The following PIK3R5 variants were observed in gnomAD, a reference collection of about 807,000 sequenced individuals.
PIK3R5 encodes phosphoinositide 3-kinase regulatory subunit 5.
PIK3R5 carries 32 observed loss-of-function variants against 94.9 expected under a neutral mutation model. That is an observed-to-expected ratio of 0.34 (90% CI 0.25 to 0.45). The LOEUF (loss-of-function observed/expected upper bound fraction) is 0.45, where lower values mean the gene tolerates loss of function less well. PIK3R5 is among the 20% of genes least tolerant of loss of function. The pLI, the probability that PIK3R5 is intolerant of heterozygous loss-of-function variation, is 1.00. For synonymous variants in PIK3R5, 443 were observed against 479.4 expected (o/e 0.92, Z 0.99); for missense variants, 853 against 1,144.6 (o/e 0.75, Z 3.68).
rs574200247 is a variant in PIK3R5 at position 8,893,902 on chromosome 17, C to T, written c.413-247G>A. 3.2e-5 allele frequency: 12 copies of T among 374,860 alleles called. No individual in the cohort carries two copies. Among genetic ancestry groups the T allele is most frequent in the African/African-American group, 1.9e-4 (9 of 48,014 alleles). The allele number at this position is 374,860 out of a possible 1,614,324, so 23.2% of individuals were successfully genotyped here. ...AACACCAAAACTCGGTCCTGGGCCT[C>T]GCTGTCCTCTGGATTCCCGTGGCCT... On this transcript the variant is annotated intron_variant, in intron 5 of 18. Coordinates refer to ENST00000447110, the MANE Select transcript of PIK3R5 (RefSeq NM_001142633.3). This position sits in a 1 kb window ranked among gnomAD's most constrained non-coding sequence, Gnocchi z 5.1.
rs774229080 is a variant in PIK3R5 at position 8,904,892 on chromosome 17, C to T, written c.297G>A (p.Ser99=). The part of the protein sequence containing the change: ...VLCTPHFPPD[S]DLLLKAASTY... ...TGCTGGCTGCCTTCAGAAGGAGATC[C>T]GAGTCTGGTGGGAAGTGTGGTGTCT... The change falls in exon 5 of 19, where the codon TCG becomes TCA. Residue 99 remains serine, a synonymous_variant. Transcript: ENST00000447110. This position sits in a 1 kb window ranked among gnomAD's most constrained non-coding sequence, Gnocchi z 5.1. 9.3e-6 allele frequency: 15 copies of T among 1,613,328 alleles called. No homozygotes were observed. The highest frequency in any genetic ancestry group is 1.2e-5 in the Non-Finnish European group (14 of 1,180,018).
At chr17:8,906,896 T>A (rs1278569388) in intron 3 of PIK3R5, among the ~76,000 whole-genome samples, 1 of 152,222 alleles carries the variant, frequency 6.6e-6, no homozygotes, top group Non-Finnish European at 1.5e-5. Flanking sequence ...TTTAGTCAAT[T>A]TTCCCTAAGC....
In PIK3R5 at chr17:8,945,329, A is replaced by G. The variant is rs987474751; in HGVS notation, c.-14+20267T>C. 6.6e-6 allele frequency among the ~76,000 whole-genome samples: 1 copy of G among 152,128 alleles called. No homozygotes were observed. The highest frequency in any genetic ancestry group is 2.4e-5 in the African/African-American group (1 of 41,408). On this transcript the variant is annotated intron_variant, in intron 1 of 18. Transcript: ENST00000447110. This position sits in a 1 kb window ranked among gnomAD's most constrained non-coding sequence, Gnocchi z 4.0. ...TCCAAGAGATTCTTCCCTTACAATCAGTAGGTCTGCCTCCCACCCCAGCCA... is the reference window on the plus strand; with the variant it reads ...TCCAAGAGATTCTTCCCTTACAATCGGTAGGTCTGCCTCCCACCCCAGCCA...
At chr17:8,951,480 T>C (rs2091374969) in intron 1 of PIK3R5, among the ~76,000 whole-genome samples, 1 of 152,196 alleles carries the variant, frequency 6.6e-6, no homozygotes, top group South Asian at 2.1e-4. Flanking sequence ...GCTACCTCAT[T>C]TGGGTGGAAT....
chr17:8,955,118 G>A lies in PIK3R5; in HGVS notation c.-14+10478C>T, dbSNP rs1372879086. 6.6e-6 allele frequency among the ~76,000 whole-genome samples: 1 copy of A among 152,086 alleles called. No individual in the cohort carries two copies. Among genetic ancestry groups the A allele is most frequent in the Non-Finnish European group, 1.5e-5 (1 of 68,016 alleles). On this transcript the variant is annotated intron_variant, in intron 1 of 18. Coordinates refer to ENST00000447110, the MANE Select transcript of PIK3R5 (RefSeq NM_001142633.3). This position sits in a 1 kb window ranked among gnomAD's most constrained non-coding sequence, Gnocchi z 4.4. ...CCTTGCAGTTGTGCACAGAAGACCAGTGATATGTCTGGAGGGTCCTTGAGG... is the reference window on the plus strand; with the variant it reads ...CCTTGCAGTTGTGCACAGAAGACCAATGATATGTCTGGAGGGTCCTTGAGG...
At chr17:8,954,734 A>C (rs1391813084) in intron 1 of PIK3R5, among the ~76,000 whole-genome samples, 1 of 152,066 alleles carries the variant, frequency 6.6e-6, no homozygotes, top group African/African-American at 2.4e-5. Flanking sequence ...TCAGGAGTTC[A>C]AGACCAGCCT....
At chr17:8,947,975 G>A (rs1193912619) in intron 1 of PIK3R5, among the ~76,000 whole-genome samples, 17 of 149,762 alleles carry the variant, frequency 1.1e-4, no homozygotes, top group African/African-American at 3.7e-4. Flanking sequence ...CCCGGGAGGC[G>A]GAGCTTGCAG....
In PIK3R5 at chr17:8,957,950, G is replaced by A. The variant is rs141470807; in HGVS notation, c.-14+7646C>T. ...GCTTCCAAAATCATTTGCAAAGTCAGTATATCAAAAACTGACAACGGCAGC... is the reference window on the plus strand; with the variant it reads ...GCTTCCAAAATCATTTGCAAAGTCAATATATCAAAAACTGACAACGGCAGC... On this transcript the variant is annotated intron_variant, in intron 1 of 18. Coordinates refer to ENST00000447110, the MANE Select transcript of PIK3R5 (RefSeq NM_001142633.3). 3.3e-5 allele frequency among the ~76,000 whole-genome samples: 5 copies of A among 152,304 alleles called. No homozygotes were observed. The South Asian group carries it at 6.2e-4, about 19-fold the overall frequency.
At chr17:8,921,057 T>A (rs951980666) in intron 1 of PIK3R5, among the ~76,000 whole-genome samples, 1 of 152,038 alleles carries the variant, frequency 6.6e-6, no homozygotes, top group Admixed American at 6.5e-5. Flanking sequence ...GTCAGGTTGG[T>A]CTCAAACTCC....
At chr17:8,910,111 G>A (rs1394904365) in intron 2 of PIK3R5, among the ~76,000 whole-genome samples, 1 of 152,172 alleles carries the variant, frequency 6.6e-6, no homozygotes, top group East Asian at 1.9e-4. Flanking sequence ...AAATTAAAGC[G>A]ACAGCCTGGG....
chr17:8,924,871 C>T (rs1378702968), intron 1 of PIK3R5, among the ~76,000 whole-genome samples: 2 of 152,206 alleles, frequency 1.3e-5, no homozygotes, highest in African/African-American at 2.4e-5. Context: ...ATGAAACAAA[C>T]GCTGATGTCA....
At chr17:8,887,400 G>A (rs1404840916) in intron 11 of PIK3R5, 121 bp downstream of exon 11, 1 of 1,318,694 alleles carries the variant, frequency 7.6e-7, no homozygotes, top group Non-Finnish European at 1.0e-6. Context: ...AGGGAGTGAG[G>A]GCCAGGCAGG....
intron 1 of PIK3R5, among the ~76,000 whole-genome samples, chr17:8,918,996 C>T (rs1314921845): frequency 6.6e-6 from 1 of 152,156 alleles, no homozygotes; most frequent in Non-Finnish European, 1.5e-5. Context: ...GGTGATTACT[C>T]ACCACATAGA....
At position 8,888,543 on chromosome 17, in the gene PIK3R5, C is replaced by T. The variant is rs551147661; in HGVS notation, c.1244G>A (p.Arg415His). 27 of 1,611,500 alleles carry T rather than the reference C, an allele frequency of 1.7e-5. No homozygotes were observed. Among genetic ancestry groups the T allele is most frequent in the Admixed American group, 1.7e-4 (10 of 59,854 alleles). ...CCTGATGAACTTCTGCCCAGGCCTG[C>T]GGTGGCCTCGGCGTTCCTGGCTGCC... ...RRGSQERRGH[R>H]RPGQKFIRIY... Residue 415 changes from arginine (R) to histidine (H), a missense_variant, in exon 10 of 19, where the codon CGC (arginine) becomes CAC (histidine). Transcript: ENST00000447110. This position sits in a 1 kb window ranked among gnomAD's most constrained non-coding sequence, Gnocchi z 7.8.
chr17:8,895,461 G>A lies in PIK3R5; in HGVS notation c.413-1806C>T, dbSNP rs1349498679. 6.6e-5 allele frequency among the ~76,000 whole-genome samples: 10 copies of A among 152,046 alleles called. No individual in the cohort carries two copies. The East Asian group carries it at 1.7e-3, about 26-fold the overall frequency. ...CTTTCTTCCAACACGCCCAGCCATT[G>A]GCTTCCAACCCCTCTGCCCTCCTGA... On this transcript the variant is annotated intron_variant, in intron 5 of 18. Coordinates refer to ENST00000447110, the MANE Select transcript of PIK3R5 (RefSeq NM_001142633.3).
chr17:8,925,289 GGATA>G lies in PIK3R5; in HGVS notation c.-13-13786_-13-13783del, dbSNP rs551698884. Among the ~76,000 whole-genome samples the G allele has an allele frequency of 3.9e-3, 579 of 149,984 alleles. 5 individuals are homozygous for G. Among genetic ancestry groups the G allele is most frequent in the African/African-American group, 4.2e-3 (171 of 40,570 alleles). On this transcript the variant is annotated intron_variant, in intron 1 of 18. Coordinates refer to ENST00000447110, the MANE Select transcript of PIK3R5 (RefSeq NM_001142633.3). This position sits in a 1 kb window ranked among gnomAD's most constrained non-coding sequence, Gnocchi z 5.1. ...AGCTAGTAGATGATAGATAGTAGAT[GGATA>G]GATAGATAGATAGTAGATGGATAGA... is the stretch of plus-strand genomic sequence containing the variant.
At chr17:8,930,251 T>A (rs958904035) in intron 1 of PIK3R5, among the ~76,000 whole-genome samples, 1 of 152,176 alleles carries the variant, frequency 6.6e-6, no homozygotes, top group African/African-American at 2.4e-5. Context: ...GTGCATTCTA[T>A]GACCACAATG....
chr17:8,921,838 T>C (rs1438867959), intron 1 of PIK3R5, among the ~76,000 whole-genome samples: 4 of 151,954 alleles, frequency 2.6e-5, no homozygotes, highest in Admixed American at 6.6e-5. Flanking sequence ...AGAAGAAAAA[T>C]TGGGGGAAGC....
intron 1 of PIK3R5, among the ~76,000 whole-genome samples, chr17:8,959,715 T>C (rs575226313): frequency 6.6e-6 from 1 of 152,290 alleles, no homozygotes; most frequent in East Asian, 1.9e-4. Flanking sequence ...AACCCAGTGA[T>C]ACGTCTGCAC....
Sources: allele counts gnomAD v4.1 joint callset (sites outside exome capture counted in the v4.1 genomes callset), GRCh38; gene constraint gnomAD v4.1.1; non-coding constraint Gnocchi (gnomAD v3.1); transcripts MANE v1.5; gene names NCBI Gene and HGNC (gene_info 2026-07-23, HGNC 2026-07-21).